The following GALNT13 variants were observed in gnomAD, a reference collection of about 807,000 sequenced individuals.
The protein encoded by GALNT13 is UDP-GalNAc:polypeptide N-acetylgalactosaminyltransferase 13.
GALNT13 carries 28 observed loss-of-function variants against 64.2 expected under a neutral mutation model. That is an observed-to-expected ratio of 0.44 (90% CI 0.32 to 0.60). The LOEUF (loss-of-function observed/expected upper bound fraction) is 0.60. Ranked by LOEUF, GALNT13 falls within the 20% of genes least tolerant of loss-of-function variation. GALNT13 has a pLI of 0.05. For missense variants in GALNT13, 577 were observed against 669.8 expected (o/e 0.86, Z 1.53); for synonymous variants, 214 against 224.6 (o/e 0.95, Z 0.42).
At chr2:154,419,980 A>G (rs752756448) in intron 11 of GALNT13, among the ~76,000 whole-genome samples, 1 of 152,148 alleles carries the variant, frequency 6.6e-6, no homozygotes, top group Non-Finnish European at 1.5e-5. Context: ...CATTAAAATG[A>G]TATTCTGTTT....
chr2:154,393,854 G>A (rs1201326985), intron 9 of GALNT13, among the ~76,000 whole-genome samples: 5 of 151,418 alleles, frequency 3.3e-5, no homozygotes, highest in Non-Finnish European at 7.4e-5. Context: ...CGAGGCGGGC[G>A]GATCACGAGG....
chr2:153,772,397 G>A, the GALNT13 span, among the ~76,000 whole-genome samples: 1 of 152,132 alleles, frequency 6.6e-6, no homozygotes, highest in African/African-American at 2.4e-5. Flanking sequence ...TGGGTTGCAT[G>A]GAACCCTAGT....
chr2:154,455,500 A>G (rs1702020306), downstream of GALNT13, among the ~76,000 whole-genome samples: 1 of 152,184 alleles, frequency 6.6e-6, no homozygotes, highest in Admixed American at 6.6e-5. Context: ...TGGGCAGCAA[A>G]AACTCAATTA....
rs940103781 is a variant in GALNT13 at position 154,102,569 on chromosome 2, A to G, written c.143-37768A>G. ...GGATAAAATGCTACCCACTGGGTGC[A>G]GTGTACACTGTCTGGTGATGGGTGC... On this transcript the variant is annotated intron_variant, in intron 3 of 12. Coordinates refer to ENST00000392825, the MANE Select transcript of GALNT13 (RefSeq NM_052917.4). Among the ~76,000 whole-genome samples the G allele has an allele frequency of 1.4e-4, 21 of 152,282 alleles. No individual in the cohort carries two copies. In the East Asian group the frequency reaches 4.1e-3, roughly 29 times the overall value.
the GALNT13 span, among the ~76,000 whole-genome samples, chr2:153,532,906 A>C: frequency 6.6e-6 from 1 of 152,206 alleles, no homozygotes; most frequent in Non-Finnish European, 1.5e-5. Context: ...TAAAAGAATA[A>C]AAGTGGATTG....
chr2:153,518,595 TA>T, the GALNT13 span, among the ~76,000 whole-genome samples: 12 of 152,182 alleles, frequency 7.9e-5, no homozygotes, highest in African/African-American at 2.9e-4. Flanking sequence ...GCTAAATTTA[TA>T]AAGTAAAGGG....
chr2:154,119,124 G>A (rs1681779191), intron 3 of GALNT13, among the ~76,000 whole-genome samples: 1 of 152,086 alleles, frequency 6.6e-6, no homozygotes, highest in Non-Finnish European at 1.5e-5. Flanking sequence ...GTCTAGTGAT[G>A]TTATACTCCC....
chr2:154,010,796 T>A (rs1196418080), intron 3 of GALNT13, among the ~76,000 whole-genome samples: 1 of 152,132 alleles, frequency 6.6e-6, no homozygotes, highest in Non-Finnish European at 1.5e-5. Flanking sequence ...GGTTTCAGTT[T>A]CTTCCTGGTT....
intron 3 of GALNT13, among the ~76,000 whole-genome samples, chr2:154,043,218 T>C (rs1699081810): frequency 6.6e-6 from 1 of 151,818 alleles, no homozygotes; most frequent in African/African-American, 2.4e-5. Flanking sequence ...GACACAGAAC[T>C]TGTAAGTCAC....
the GALNT13 span, among the ~76,000 whole-genome samples, chr2:153,710,272 ATAAAG>A: frequency 1.3e-5 from 2 of 152,110 alleles, no homozygotes; most frequent in South Asian, 2.1e-4. Flanking sequence ...GTCAATAAAA[ATAAAG>A]TAAGCTGAGA....
the GALNT13 span, among the ~76,000 whole-genome samples, chr2:153,186,913 T>A: frequency 6.6e-6 from 1 of 152,178 alleles, no homozygotes; most frequent in South Asian, 2.1e-4. Flanking sequence ...CTTTCCATAT[T>A]TAGTAGTTTT....
At chr2:153,310,078 C>T in the GALNT13 span, among the ~76,000 whole-genome samples, 1 of 152,094 alleles carries the variant, frequency 6.6e-6, no homozygotes, top group Non-Finnish European at 1.5e-5. Context: ...CTTTAAAAAC[C>T]TATAGGTAAG....
chr2:154,168,707 G>A (rs1019206138), intron 4 of GALNT13, among the ~76,000 whole-genome samples: 1 of 151,126 alleles, frequency 6.6e-6, no homozygotes, highest in Non-Finnish European at 1.5e-5. Context: ...GCCAAGCATG[G>A]TGGTGGGTGC....
At chr2:153,580,682 T>G in the GALNT13 span, among the ~76,000 whole-genome samples, 1 of 152,240 alleles carries the variant, frequency 6.6e-6, no homozygotes, top group Admixed American at 6.5e-5. Context: ...ATAAAAACTT[T>G]GAGTAAAAAA....
At chr2:153,439,515 A>G in the GALNT13 span, among the ~76,000 whole-genome samples, 1 of 152,144 alleles carries the variant, frequency 6.6e-6, no homozygotes, top group South Asian at 2.1e-4. Flanking sequence ...AGCCTGGGCA[A>G]TAGCAGGTGC....
the GALNT13 span, among the ~76,000 whole-genome samples, chr2:153,338,777 C>A: frequency 6.6e-6 from 1 of 152,178 alleles, no homozygotes. Context: ...TCTCCTTAAT[C>A]CTGCCCCTCG....
the GALNT13 span, among the ~76,000 whole-genome samples, chr2:153,160,597 A>T: frequency 6.6e-6 from 1 of 152,214 alleles, no homozygotes; most frequent in Non-Finnish European, 1.5e-5. Flanking sequence ...ATGACTACAC[A>T]AGTGTACTCT....
At chr2:154,076,218 T>C (rs1054880700) in intron 3 of GALNT13, among the ~76,000 whole-genome samples, 1 of 151,742 alleles carries the variant, frequency 6.6e-6, no homozygotes, top group Non-Finnish European at 1.5e-5. Context: ...ACTCTTAACA[T>C]TTCTGTGTGT....
chr2:153,918,936 C>G (rs1689574573), intron 2 of GALNT13, among the ~76,000 whole-genome samples: 2 of 152,092 alleles, frequency 1.3e-5, no homozygotes, highest in Admixed American at 1.3e-4. Context: ...CACACTGAGG[C>G]TTTCCTTGTC....
Sources: allele counts gnomAD v4.1 joint callset (sites outside exome capture counted in the v4.1 genomes callset), GRCh38; gene constraint gnomAD v4.1.1; transcripts MANE v1.5; gene names NCBI Gene and HGNC (gene_info 2026-07-23, HGNC 2026-07-21).